Variants in CCDC172 observed in about 807,000 individuals in gnomAD.
CCDC172 encodes coiled-coil domain containing 172.
In CCDC172, 30 loss-of-function variants were observed where a neutral mutation model predicts 38.0. The observed-to-expected ratio is 0.79, with a 90% CI of 0.59 to 1.07. CCDC172 has a LOEUF of 1.07. Among genes scored for constraint, CCDC172 ranks in the 50% least tolerant of loss-of-function variants. The pLI, the probability that CCDC172 is intolerant of heterozygous loss-of-function variation, is 0.00. For missense variants in CCDC172, 297 were observed against 290.1 expected, an observed-to-expected ratio of 1.02 and a Z score of -0.17; for synonymous variants, 78 against 88.3, an observed-to-expected ratio of 0.88 and a Z score of 0.66.
chr10:116,334,724 G>A (rs556344494), intron 3 of CCDC172, among the ~76,000 whole-genome samples: 4 of 151,782 alleles, frequency 2.6e-5, no homozygotes, highest in Non-Finnish European at 4.4e-5. Context: ...AGCTTTTTAG[G>A]GTAAAGCCTT....
chr10:116,334,511 C>T (rs1844705538), intron 3 of CCDC172, among the ~76,000 whole-genome samples: 1 of 151,850 alleles, frequency 6.6e-6, no homozygotes, highest in Non-Finnish European at 1.5e-5. Flanking sequence ...TTGCTTTTTT[C>T]TATTTACTGT....
At chr10:116,352,989 C>T (rs1427858735) in intron 5 of CCDC172, among the ~76,000 whole-genome samples, 1 of 151,932 alleles carries the variant, frequency 6.6e-6, no homozygotes, top group Non-Finnish European at 1.5e-5. Context: ...GTCAGGAGAT[C>T]AAGACCATCC....
intron 7 of CCDC172, among the ~76,000 whole-genome samples, chr10:116,366,013 C>A (rs556741789): frequency 6.6e-6 from 1 of 152,238 alleles, no homozygotes; most frequent in South Asian, 2.1e-4. Flanking sequence ...ATGCATTTCT[C>A]ACAATATTTT....
At chr10:116,355,320 C>T (rs1056162370) in intron 5 of CCDC172, among the ~76,000 whole-genome samples, 1 of 152,118 alleles carries the variant, frequency 6.6e-6, no homozygotes, top group Non-Finnish European at 1.5e-5. Flanking sequence ...GGTGTGCCTA[C>T]AGTGTTCAGT....
At chr10:116,344,729 C>T (rs1015912710) in intron 5 of CCDC172, among the ~76,000 whole-genome samples, 1 of 151,974 alleles carries the variant, frequency 6.6e-6, no homozygotes, top group Non-Finnish European at 1.5e-5. Context: ...ACTTTATAAA[C>T]CTTTTATTAT....
chr10:116,329,759 G>A (rs1350340488), intron 3 of CCDC172, among the ~76,000 whole-genome samples: 1 of 152,032 alleles, frequency 6.6e-6, no homozygotes, highest in Non-Finnish European at 1.5e-5. Context: ...AACACAAATC[G>A]AGGTGGTGGC....
intron 7 of CCDC172, among the ~76,000 whole-genome samples, chr10:116,375,920 T>G (rs1354637145): frequency 1.3e-5 from 2 of 152,130 alleles, no homozygotes; most frequent in African/African-American, 2.4e-5. Context: ...TTGTACACTG[T>G]TAGTGGGAGT....
Position 116,340,821 on chromosome 10 carries a change from A to G in CCDC172, c.253A>G (p.Asn85Asp). Reference protein sequence around the residue: ...ALEKQYSEITNHRNMLLQTFE... With the variant: ...ALEKQYSEITDHRNMLLQTFE... Reference sequence around the variant, plus strand: ...AGAAAAACAGTACAGTGAAATTACAAACCATAGGAATATGCTTCTTCAAAC... The same window carrying G: ...AGAAAAACAGTACAGTGAAATTACAGACCATAGGAATATGCTTCTTCAAAC... Residue 85 changes from asparagine (N) to aspartate (D), a missense_variant, in exon 4 of 9, where the codon AAC (asparagine) becomes GAC (aspartate). Transcript: ENST00000333254. The G allele has an allele frequency of 6.3e-7, 1 of 1,589,228 alleles. No homozygotes were observed. The highest frequency in any genetic ancestry group is 8.6e-7 in the Non-Finnish European group (1 of 1,159,862).
chr10:116,369,204 T>A (rs556126530), intron 7 of CCDC172, among the ~76,000 whole-genome samples: 2 of 152,136 alleles, frequency 1.3e-5, no homozygotes, highest in East Asian at 3.9e-4. Context: ...TTCGTCTAAC[T>A]TTAGGGCTCA....
At chr10:116,344,658 G>T (rs994297669) in intron 5 of CCDC172, among the ~76,000 whole-genome samples, 2 of 152,072 alleles carry the variant, frequency 1.3e-5, no homozygotes, top group African/African-American at 2.4e-5. Flanking sequence ...CACTAAGTTT[G>T]TAAAAAGAAT....
chr10:116,352,144 T>C lies in CCDC172; in HGVS notation c.449-5236T>C, dbSNP rs115673827. 4.5e-3 allele frequency among the ~76,000 whole-genome samples: 687 copies of C among 152,210 alleles called. 4 individuals carry two copies. The highest frequency in any genetic ancestry group is 0.016 in the African/African-American group (659 of 41,530). Reference sequence around the variant, plus strand: ...AGAAATATTTCATTAAACAGAAGAGTTCTGCCTTAATAGAAGGATTAAATT... The same window carrying C: ...AGAAATATTTCATTAAACAGAAGAGCTCTGCCTTAATAGAAGGATTAAATT... On this transcript the variant is annotated intron_variant, in intron 5 of 8. Transcript: ENST00000333254.
At chr10:116,350,130 C>T (rs528971681) in intron 5 of CCDC172, among the ~76,000 whole-genome samples, 5 of 152,134 alleles carry the variant, frequency 3.3e-5, no homozygotes, top group Admixed American at 2.0e-4. Flanking sequence ...AGATTTAAAA[C>T]CTTGTGGGTC....
At chr10:116,362,273 C>A (rs977734711) in intron 7 of CCDC172, among the ~76,000 whole-genome samples, 12 of 152,118 alleles carry the variant, frequency 7.9e-5, no homozygotes, top group Non-Finnish European at 1.3e-4. Context: ...GTGTGTTTAG[C>A]AAAAATGGGA....
At chr10:116,349,331 C>T (rs759494682) in intron 5 of CCDC172, among the ~76,000 whole-genome samples, 1 of 152,154 alleles carries the variant, frequency 6.6e-6, no homozygotes, top group African/African-American at 2.4e-5. Flanking sequence ...CTCTCCCTCC[C>T]GTGGTCCATG....
intron 7 of CCDC172, among the ~76,000 whole-genome samples, chr10:116,369,272 T>C (rs1404555580): frequency 6.6e-6 from 1 of 152,026 alleles, no homozygotes; most frequent in African/African-American, 2.4e-5. Flanking sequence ...ATCAATGTAA[T>C]TGAAGAGTAA....
At chr10:116,343,372 T>C (rs1844820212) in intron 5 of CCDC172, among the ~76,000 whole-genome samples, 1 of 152,088 alleles carries the variant, frequency 6.6e-6, no homozygotes, top group South Asian at 2.1e-4. Flanking sequence ...ACTGGAGTCA[T>C]TGTTATATAG....
intron 7 of CCDC172, among the ~76,000 whole-genome samples, chr10:116,361,073 ATTATTATTATTT>A (rs1322982613): frequency 1.6e-5 from 1 of 63,070 alleles, no homozygotes; most frequent in Non-Finnish European, 3.9e-5. Flanking sequence ...TATTATTATT[ATTATTATTATTT>A]GAGACAAAGT....
chr10:116,344,922 G>T (rs1844847706), intron 5 of CCDC172, among the ~76,000 whole-genome samples: 1 of 150,212 alleles, frequency 6.7e-6, no homozygotes. Context: ...CACAGAGTCA[G>T]TATCACAATA....
At chr10:116,332,304 A>T (rs1468173180) in intron 3 of CCDC172, among the ~76,000 whole-genome samples, 1 of 152,130 alleles carries the variant, frequency 6.6e-6, no homozygotes, top group African/African-American at 2.4e-5. Flanking sequence ...TTGGAGTAGA[A>T]AGTAAGTCCT....
Sources: gnomAD v4.1 joint callset for allele counts (sites outside exome capture counted in the v4.1 genomes callset) on GRCh38, gnomAD v4.1.1 for gene constraint, MANE v1.5 for transcripts, NCBI Gene and HGNC (gene_info 2026-07-23, HGNC 2026-07-21) for gene names.